ESRRG: variants seen among roughly 807,000 people sequenced by gnomAD.
ESRRG encodes the protein estrogen related receptor gamma, also known as estrogen-related receptor gamma.
ESRRG carries 13 observed loss-of-function variants against 44.0 expected under a neutral mutation model. The observed-to-expected ratio is 0.30, with a 90% CI of 0.19 to 0.47. The LOEUF (loss-of-function observed/expected upper bound fraction) is 0.47, where lower values mean the gene tolerates loss of function less well. Among genes scored for constraint, ESRRG ranks in the 20% least tolerant of loss-of-function variants. The pLI is 1.00. For missense variants in ESRRG, 395 were observed against 580.6 expected, an observed-to-expected ratio of 0.68 and a Z score of 3.29; for synonymous variants, 215 against 214.6, an observed-to-expected ratio of 1.00 and a Z score of -0.02.
intron 2 of ESRRG, among the ~76,000 whole-genome samples, chr1:216,882,934 G>GAA (rs139900331): frequency 1.1e-4 from 15 of 142,194 alleles, no homozygotes; most frequent in Admixed American, 2.8e-4. Flanking sequence ...ATCATTGTCT[G>GAA]AAAAAAAAAA....
chr1:216,599,513 A>G (rs373650215), intron 3 of ESRRG, among the ~76,000 whole-genome samples: 1 of 152,202 alleles, frequency 6.6e-6, no homozygotes, highest in East Asian at 1.9e-4. Context: ...CAGTTCTCCA[A>G]GTATTCCATA....
chr1:216,638,337 C>G (rs1281428674), intron 3 of ESRRG, among the ~76,000 whole-genome samples: 1 of 152,040 alleles, frequency 6.6e-6, no homozygotes, highest in Non-Finnish European at 1.5e-5. Context: ...GATGGCACAG[C>G]TAGTAAGTAG....
chr1:217,048,255 G>A (rs769801852), intron 1 of ESRRG, among the ~76,000 whole-genome samples: 7 of 152,132 alleles, frequency 4.6e-5, no homozygotes, highest in Non-Finnish European at 8.8e-5. Context: ...TGGTTAGAGA[G>A]GCCACAGAGG....
intron 2 of ESRRG, among the ~76,000 whole-genome samples, chr1:216,847,042 C>A (rs1425321605): frequency 6.6e-6 from 1 of 152,054 alleles, no homozygotes; most frequent in Non-Finnish European, 1.5e-5. Flanking sequence ...ATGGCAGTCA[C>A]CAGCAGGGTG....
intron 3 of ESRRG, among the ~76,000 whole-genome samples, chr1:216,569,175 G>A (rs868528207): frequency 3.2e-5 from 2 of 61,964 alleles, no homozygotes; most frequent in Non-Finnish European, 7.8e-5. Context: ...GGGAAGGGAA[G>A]GGAAGGGAAG....
At chr1:216,691,340 G>A (rs1469206053) in intron 1 of ESRRG, among the ~76,000 whole-genome samples, 1 of 151,942 alleles carries the variant, frequency 6.6e-6, no homozygotes, top group Non-Finnish European at 1.5e-5. Context: ...AACCTGACTA[G>A]GTAAAATGAT....
chr1:216,947,558 G>A (rs1280244930), intron 1 of ESRRG, among the ~76,000 whole-genome samples: 3 of 152,118 alleles, frequency 2.0e-5, no homozygotes, highest in Non-Finnish European at 2.9e-5. Flanking sequence ...GCTTTCTAGG[G>A]CTGGGGCTGT....
intron 2 of ESRRG, among the ~76,000 whole-genome samples, chr1:216,891,519 A>C (rs12029460): frequency 0.15 from 22,473 of 152,260 alleles, 2,903 homozygotes; most frequent in East Asian, 0.71. Context: ...CTCACTTATG[A>C]TCTGGAAGAA....
chr1:216,657,764 C>A (rs2071000947), intron 2 of ESRRG, among the ~76,000 whole-genome samples: 1 of 152,132 alleles, frequency 6.6e-6, no homozygotes, highest in Non-Finnish European at 1.5e-5. Context: ...AAAGCAATTT[C>A]ATACACAGGA....
chr1:216,929,702 G>T (rs953084043), intron 2 of ESRRG, among the ~76,000 whole-genome samples: 2 of 152,174 alleles, frequency 1.3e-5, no homozygotes, highest in African/African-American at 4.8e-5. Flanking sequence ...AGGCCTGAAA[G>T]GTGGGCAGAG....
At chr1:217,093,906 A>G (rs1013847923), upstream of ESRRG, among the ~76,000 whole-genome samples, 13 of 152,098 alleles carry the variant, frequency 8.5e-5, no homozygotes, top group Admixed American at 2.0e-4. Flanking sequence ...TATCTGAGAC[A>G]GGATCTGGCT....
At chr1:217,078,677 A>C (rs1284295433) in intron 1 of ESRRG, among the ~76,000 whole-genome samples, 1 of 152,208 alleles carries the variant, frequency 6.6e-6, no homozygotes, top group African/African-American at 2.4e-5. Flanking sequence ...GTCCTGACCT[A>C]CAGTGTACTA....
chr1:216,847,668 G>T (rs1411122766), intron 2 of ESRRG, among the ~76,000 whole-genome samples: 2 of 151,990 alleles, frequency 1.3e-5, no homozygotes, highest in African/African-American at 4.8e-5. Flanking sequence ...TCTAAACTGG[G>T]CATGTCCAGG....
intron 2 of ESRRG, among the ~76,000 whole-genome samples, chr1:216,860,587 T>A (rs922491387): frequency 1.3e-5 from 2 of 152,000 alleles, no homozygotes; most frequent in Non-Finnish European, 2.9e-5. Flanking sequence ...AAGAAGACAA[T>A]ATATTGGAAC....
intron 2 of ESRRG, among the ~76,000 whole-genome samples, chr1:216,867,188 A>G (rs2149166626): frequency 6.6e-6 from 1 of 152,314 alleles, no homozygotes; most frequent in East Asian, 1.9e-4. Flanking sequence ...TGAGGCACAG[A>G]ACAAAATCAC....
At chr1:216,671,582 A>G (rs992748938) in intron 2 of ESRRG, among the ~76,000 whole-genome samples, 1 of 152,214 alleles carries the variant, frequency 6.6e-6, no homozygotes, top group Non-Finnish European at 1.5e-5. Context: ...TCATTCTCTC[A>G]TGTAACCCTC....
intron 1 of ESRRG, among the ~76,000 whole-genome samples, chr1:217,017,563 G>C (rs532633090): frequency 6.7e-6 from 1 of 150,174 alleles, no homozygotes; most frequent in Non-Finnish European, 1.5e-5. Context: ...CCTGTTTAAA[G>C]TCACAGAAAG....
chr1:217,046,672 C>T (rs946523492), intron 1 of ESRRG, among the ~76,000 whole-genome samples: 1 of 152,020 alleles, frequency 6.6e-6, no homozygotes, highest in East Asian at 1.9e-4. Context: ...TCTCTTGAGT[C>T]CAGGAGTTCG....
In ESRRG at chr1:216,516,668, C is replaced by CACACACAGAGAGAGAG. The variant is rs376701865; in HGVS notation, c.1132+2483_1132+2484insCTCTCTCTCTGTGTGT. 7.6e-3 allele frequency among the ~76,000 whole-genome samples: 1,046 copies of CACACACAGAGAGAGAG among 137,200 alleles called. 20 individuals are homozygous for CACACACAGAGAGAGAG. Among genetic ancestry groups the CACACACAGAGAGAGAG allele is most frequent in the African/African-American group, 0.028 (936 of 34,026 alleles). 90.0% of individuals were successfully genotyped at this position (137,200 alleles called of 152,430 possible). A position where few individuals can be genotyped will look rare whatever the true frequency, so the allele number is the denominator to read the frequency against. ...ACACACACACACACACACACACACACAGAGAGAGAGAGAGAAACGACAAAA... is the reference window on the plus strand; with the variant it reads ...ACACACACACACACACACACACACACACACACAGAGAGAGAGAGAGAGAGAGAGAGAAACGACAAAA... On this transcript the variant is annotated intron_variant, in intron 6 of 6. Coordinates refer to ENST00000408911, the MANE Select transcript of ESRRG (RefSeq NM_001438.4).
Sources: gnomAD v4.1 joint callset for allele counts (sites outside exome capture counted in the v4.1 genomes callset) on GRCh38, gnomAD v4.1.1 for gene constraint, MANE v1.5 for transcripts, NCBI Gene and HGNC (gene_info 2026-07-23, HGNC 2026-07-21) for gene names.